Variants in UTRN observed in about 807,000 individuals in gnomAD.
The protein encoded by UTRN is dystrophin-related protein 1.
A neutral mutation model predicts 463.9 loss-of-function variants in UTRN; 283 were observed. The ratio of observed to expected loss-of-function variants is 0.61; its 90% CI spans 0.55 to 0.67. The LOEUF (loss-of-function observed/expected upper bound fraction) is 0.67. Among genes scored for constraint, UTRN ranks in the 30% least tolerant of loss-of-function variants. UTRN has a pLI of 0.00. For missense variants in UTRN, 3,922 were observed against 4,084.3 expected, an observed-to-expected ratio of 0.96 and a Z score of 1.08; for synonymous variants, 1,442 against 1,431.5, an observed-to-expected ratio of 1.01 and a Z score of -0.17.
In UTRN at chr6:144,802,896, A is replaced by AT. The variant is rs1586636877; in HGVS notation, c.9246-139dup. On this transcript the variant is annotated intron_variant, in intron 64 of 74. Transcript: ENST00000367545. ...TTGTCTCCCTCTCATGTATAAACAGATAGAAGCATGTTTCAGAGACTTGAA... is the reference window on the plus strand; with the variant it reads ...TTGTCTCCCTCTCATGTATAAACAGATTAGAAGCATGTTTCAGAGACTTGAA... The AT allele has an allele frequency of 6.5e-6, 3 of 461,188 alleles. No homozygotes were observed. In the East Asian group the frequency reaches 1.0e-4, roughly 16 times the overall value. 28.6% of individuals were successfully genotyped at this position (461,188 alleles called of 1,614,324 possible). A position where few individuals can be genotyped will look rare whatever the true frequency, so the allele number is the denominator to read the frequency against.
At chr6:144,343,400 ACACACACAC>A in intron 2 of UTRN, among the ~76,000 whole-genome samples, 1 of 149,150 alleles carries the variant, frequency 6.7e-6, no homozygotes, top group East Asian at 1.9e-4. Context: ...ACACACACAC[ACACACACAC>A]AATAGCCGGG....
rs199499415 is a variant in UTRN at position 144,516,960 on chromosome 6, G to A, written c.5541+12G>A. 175 of 1,452,586 alleles carry A rather than the reference G, an allele frequency of 1.2e-4. 2 individuals carry two copies. In the Admixed American group the frequency reaches 2.0e-3, roughly 17 times the overall value. The allele number at this position is 1,452,586 out of a possible 1,614,324, so 90.0% of individuals were successfully genotyped here. On this transcript the variant is annotated intron_variant, in intron 39 of 74. Coordinates refer to ENST00000367545, the MANE Select transcript of UTRN (RefSeq NM_007124.3). ...ACAACAAAATTAAGGTATTATGATT[G>A]GAGAGTCTCTGTTGCATTTAAATAC...
intron 2 of UTRN, among the ~76,000 whole-genome samples, chr6:144,350,750 C>T (rs752382314): frequency 8.5e-5 from 13 of 152,072 alleles, no homozygotes; most frequent in Non-Finnish European, 1.2e-4. Flanking sequence ...CTTAATGATT[C>T]CAAGGGAAAT....
intron 54 of UTRN, among the ~76,000 whole-genome samples, chr6:144,741,569 C>T: frequency 6.6e-6 from 1 of 152,068 alleles, no homozygotes; most frequent in Non-Finnish European, 1.5e-5. Context: ...TCAGCTTTTC[C>T]TCTTTCCTTT....
At chr6:144,693,385 G>A (rs1044417604) in intron 52 of UTRN, among the ~76,000 whole-genome samples, 3 of 152,008 alleles carry the variant, frequency 2.0e-5, no homozygotes, top group African/African-American at 7.2e-5. Context: ...CTCTTTTTTG[G>A]TTTCATATGA....
chr6:144,384,038 G>T (rs1324118190), intron 2 of UTRN, among the ~76,000 whole-genome samples: 4 of 151,896 alleles, frequency 2.6e-5, no homozygotes, highest in East Asian at 1.9e-4. Context: ...ATTGCATCTG[G>T]TTTTTTTCCT....
intron 51 of UTRN, among the ~76,000 whole-genome samples, chr6:144,676,147 GATA>G (rs968635028): frequency 7.4e-4 from 112 of 151,598 alleles, no homozygotes; most frequent in African/African-American, 2.5e-3. Flanking sequence ...AAATCAGTGG[GATA>G]ATATTTTCTT....
At position 144,732,321 on chromosome 6, in the gene UTRN, A is replaced by G. The variant is rs569077604; in HGVS notation, c.7939+1835A>G. ...ACACATATATATATATAAAAAATGT[A>G]TACACACACACGTACATACTCATGT... is the stretch of plus-strand genomic sequence containing the variant. On this transcript the variant is annotated intron_variant, in intron 54 of 74. Transcript: ENST00000367545. 1.2e-3 allele frequency among the ~76,000 whole-genome samples: 178 copies of G among 148,304 alleles called. 1 individual carries two copies. Among genetic ancestry groups the G allele is most frequent in the Non-Finnish European group, 1.9e-3 (131 of 67,378 alleles).
intron 3 of UTRN, among the ~76,000 whole-genome samples, chr6:144,413,812 T>A (rs916941166): frequency 8.5e-5 from 13 of 152,126 alleles, no homozygotes; most frequent in Admixed American, 1.3e-4. Flanking sequence ...TTAATTAATT[T>A]ATTTATTTTG....
intron 13 of UTRN, among the ~76,000 whole-genome samples, chr6:144,443,585 T>C (rs929633507): frequency 6.6e-6 from 1 of 152,148 alleles, no homozygotes; most frequent in Non-Finnish European, 1.5e-5. Flanking sequence ...AATCATTATT[T>C]GTAAAATTGT....
intron 74 of UTRN, among the ~76,000 whole-genome samples, chr6:144,847,562 C>CTAG (rs1166745633): frequency 6.6e-6 from 1 of 152,000 alleles, no homozygotes; most frequent in Non-Finnish European, 1.5e-5. Flanking sequence ...TAAGGTATGC[C>CTAG]TAGAGTAGAA....
intron 51 of UTRN, among the ~76,000 whole-genome samples, chr6:144,607,234 A>G (rs1260459757): frequency 6.6e-6 from 1 of 152,222 alleles, no homozygotes; most frequent in African/African-American, 2.4e-5. Flanking sequence ...GTCTTTAACA[A>G]ACTGGATCTC....
At chr6:144,750,269 TTGTGTGTTTTTC>T (rs1379702972) in intron 55 of UTRN, among the ~76,000 whole-genome samples, 1 of 152,078 alleles carries the variant, frequency 6.6e-6, no homozygotes, top group Non-Finnish European at 1.5e-5. Context: ...TTAATTGTAT[TTGTGTGTTTTTC>T]TGTGTGTGCA....
chr6:144,789,289 A>C lies in UTRN; in HGVS notation c.8920+10A>C, dbSNP rs1562913362. The C allele has an allele frequency of 3.1e-6, 5 of 1,591,144 alleles. No individual in the cohort carries two copies. The South Asian group carries it at 3.4e-5, about 11-fold the overall frequency. On this transcript the variant is annotated intron_variant, in intron 62 of 74. Coordinates refer to ENST00000367545, the MANE Select transcript of UTRN (RefSeq NM_007124.3). The stretch of plus-strand genomic sequence containing the variant: ...GAAGAAAAATACAGATGTATGTAAG[A>C]CCTTTCTTATACCAACAGTGTTTTT...
At chr6:144,767,001 G>A (rs1189763640) in intron 58 of UTRN, among the ~76,000 whole-genome samples, 1 of 152,064 alleles carries the variant, frequency 6.6e-6, no homozygotes, top group Non-Finnish European at 1.5e-5. Context: ...TCCTGAGTTG[G>A]TGGTGGAGAG....
chr6:144,548,811 T>C lies in UTRN; in HGVS notation c.6767T>C (p.Val2256Ala). 1 of 1,614,056 alleles carries C rather than the reference T, an allele frequency of 6.2e-7. No individual in the cohort carries two copies. Among genetic ancestry groups the C allele is most frequent in the Non-Finnish European group, 8.5e-7 (1 of 1,179,958 alleles). The part of the protein sequence containing the change: ...DQMLKSNIVT[V>A]GDVEEINKTV... ...ATGCTGAAGTCCAACATTGTCACTG[T>C]TGGGGATGTAGAAGAGATCAATAAG... Residue 2256 changes from valine (V) to alanine (A), a missense_variant, in exon 47 of 75, where the codon GTT (valine) becomes GCT (alanine). Val to Ala is a moderately conservative substitution (Grantham distance 64, BLOSUM62 0). Coordinates refer to ENST00000367545, the MANE Select transcript of UTRN (RefSeq NM_007124.3).
intron 49 of UTRN, 28 bp downstream of exon 49, chr6:144,554,921 G>C: frequency 6.2e-7 from 1 of 1,610,062 alleles, no homozygotes; most frequent in Non-Finnish European, 8.5e-7. Flanking sequence ...TTTTTTGGCA[G>C]TATTGTTTTG....
At chr6:144,633,316 G>C (rs549375246) in intron 51 of UTRN, among the ~76,000 whole-genome samples, 1 of 146,724 alleles carries the variant, frequency 6.8e-6, no homozygotes, top group Admixed American at 7.0e-5. Context: ...TGCAAGCTCC[G>C]CCTCCCGGGT....
chr6:144,513,807 C>A, intron 35 of UTRN, 102 bp from the exon 36 acceptor site: 2 of 1,319,848 alleles, frequency 1.5e-6, no homozygotes, highest in Non-Finnish European at 2.0e-6. Flanking sequence ...CCTTTAAATT[C>A]ATGGTACAGT....
Sources: allele counts gnomAD v4.1 joint callset (sites outside exome capture counted in the v4.1 genomes callset), GRCh38; gene constraint gnomAD v4.1.1; transcripts MANE v1.5; gene names NCBI Gene and HGNC (gene_info 2026-07-23, HGNC 2026-07-21).